GLI2: variants seen among roughly 807,000 people sequenced by gnomAD.
GLI2 encodes the protein transcription activator GLI2.
GLI2 carries 22 observed loss-of-function variants against 78.9 expected under a neutral mutation model. The observed-to-expected ratio is 0.28, with a 90% CI of 0.20 to 0.40. The LOEUF is 0.40. GLI2 is among the 10% of genes least tolerant of loss of function. The pLI is 1.00. For missense variants in GLI2, 2,097 were observed against 2,213.2 expected (o/e 0.95, Z 1.05); for synonymous variants, 974 against 963.7 (o/e 1.01, Z -0.20).
At chr2:120,874,760 G>A (rs1323553346) in intron 2 of GLI2, among the ~76,000 whole-genome samples, 1 of 152,208 alleles carries the variant, frequency 6.6e-6, no homozygotes, top group Non-Finnish European at 1.5e-5. Context: ...ACAGCCACTC[G>A]CTGTGGCAGC....
rs151179617 is a variant in GLI2, at chr2:120,986,508, C to A, written c.2136C>A (p.Phe712Leu). 515 of 1,614,108 alleles carry A rather than the reference C, an allele frequency of 3.2e-4. 7 individuals carry two copies. In the South Asian group the frequency reaches 4.9e-3, roughly 15 times the overall value. The change falls in exon 13 of 14, where the codon TTC (phenylalanine) becomes TTA (leucine). Residue 712 changes from phenylalanine (F) to leucine (L), a missense_variant. Transcript: ENST00000361492. The part of the protein sequence containing the change: ...LRKHMTTMHR[F>L]EQLKKEKLKS... The stretch of plus-strand genomic sequence containing the variant: ...AACACATGACCACCATGCACCGGTT[C>A]GAGCAGCTCAAGAAGGAGAAGCTCA...
intron 5 of GLI2, among the ~76,000 whole-genome samples, chr2:120,963,807 G>A (rs1681707820): frequency 6.6e-6 from 1 of 152,260 alleles, no homozygotes; most frequent in African/African-American, 2.4e-5. Flanking sequence ...TCTGTAAAAT[G>A]AGCATAACAG....
Position 120,970,490 on chromosome 2 carries a change from C to A in GLI2, c.943C>A (p.Pro315Thr), listed in dbSNP as rs1161213308. 2 of 1,613,906 alleles carry A rather than the reference C, an allele frequency of 1.2e-6. No individual in the cohort carries two copies. Among genetic ancestry groups the A allele is most frequent in the Non-Finnish European group, 1.7e-6 (2 of 1,179,802 alleles). ...GLGSAFGHTPPLIQPSPTFLA... is the reference protein window; with the variant it reads ...GLGSAFGHTPTLIQPSPTFLA... ...GGGGTCAGCCTTTGGACACACACCA[C>A]CCCTGATCCAGCCCTCACCCACCTT... The change falls in exon 7 of 14, where the codon CCC (proline) becomes ACC (threonine). Residue 315 changes from proline to threonine, a missense_variant. Around this residue, in one of 5 missense-constraint regions of GLI2, gnomAD observed 578 missense variants for 612.0 expected, o/e 0.94. Coordinates refer to ENST00000361492, the MANE Select transcript of GLI2 (RefSeq NM_001374353.1).
chr2:120,754,243 G>T lies in GLI2; in HGVS notation c.-31+17958G>T, dbSNP rs184173835. The stretch of plus-strand genomic sequence containing the variant: ...TTATCTGCCCATATCCACATCAACA[G>T]GGAGTGTTATCAAACTTGTCGATCC... On this transcript the variant is annotated intron_variant, in intron 1 of 13. Transcript: ENST00000361492. 5.0e-3 allele frequency among the ~76,000 whole-genome samples: 762 copies of T among 152,282 alleles called. 4 individuals are homozygous for T. Among genetic ancestry groups the T allele is most frequent in the African/African-American group, 0.018 (729 of 41,542 alleles).
chr2:120,786,831 C>T (rs1684011505), intron 1 of GLI2, among the ~76,000 whole-genome samples: 1 of 152,214 alleles, frequency 6.6e-6, no homozygotes, highest in Admixed American at 6.5e-5. Context: ...ACCCAGCCCT[C>T]CCTTAAAGGT....
intron 2 of GLI2, among the ~76,000 whole-genome samples, chr2:120,904,920 A>G (rs1678446343): frequency 6.6e-6 from 1 of 152,144 alleles, no homozygotes; most frequent in Non-Finnish European, 1.5e-5. Flanking sequence ...GGTGTGGGGC[A>G]GGGAGGCAGG....
At chr2:120,763,551 G>A (rs1237542344) in intron 1 of GLI2, among the ~76,000 whole-genome samples, 1 of 152,230 alleles carries the variant, frequency 6.6e-6, no homozygotes, top group African/African-American at 2.4e-5. Flanking sequence ...GGGTGCTCTG[G>A]GGGGCTCACT....
intron 9 of GLI2, 130 bp downstream of exon 9, chr2:120,975,239 A>C: frequency 1.2e-6 from 1 of 803,152 alleles, no homozygotes; most frequent in Non-Finnish European, 2.0e-6. Context: ...CCTGGGCCAC[A>C]TCCCCTGCAA....
In GLI2 at chr2:120,951,439, G is replaced by A. The variant is rs781771721; in HGVS notation, c.451G>A (p.Ala151Thr). The A allele has an allele frequency of 1.2e-5, 20 of 1,606,276 alleles. No individual in the cohort carries two copies. Among genetic ancestry groups the A allele is most frequent in the African/African-American group, 4.0e-5 (3 of 74,752 alleles). ...CTCTGCAGCCAGGGGCCTCAGCCCC[G>A]CTGATGGTGAGTAGGGTGTGGGGAT... is the stretch of plus-strand genomic sequence containing the variant. Reference protein sequence around the residue: ...MISAARGLSPADVAQEHLKER... With the variant: ...MISAARGLSPTDVAQEHLKER... Residue 151 changes from alanine to threonine, a missense_variant, in exon 4 of 14, where the codon GCT becomes ACT. Physicochemically the swap from Ala to Thr is moderately conservative, Grantham distance 58 (BLOSUM62 0). Transcript: ENST00000361492.
intron 5 of GLI2, among the ~76,000 whole-genome samples, chr2:120,966,349 T>C (rs1020445364): frequency 5.9e-5 from 9 of 152,174 alleles, no homozygotes; most frequent in African/African-American, 2.2e-4. Context: ...AGCTGACTTA[T>C]GGCTCCAGCC....
intron 1 of GLI2, among the ~76,000 whole-genome samples, chr2:120,754,603 C>A (rs1682982573): frequency 6.6e-6 from 1 of 152,190 alleles, no homozygotes; most frequent in South Asian, 2.1e-4. Context: ...ATAGTTTATT[C>A]ATTTTTATTG....
At chr2:120,935,531 C>CAGG (rs1680157678) in intron 3 of GLI2, among the ~76,000 whole-genome samples, 2 of 152,334 alleles carry the variant, frequency 1.3e-5, no homozygotes, top group Non-Finnish European at 2.9e-5. Flanking sequence ...GGAGCAGTAG[C>CAGG]AGGAGTCTGT....
chr2:120,800,167 G>T lies in GLI2; in HGVS notation c.148+2699G>T, dbSNP rs905764918. Among the ~76,000 whole-genome samples, 6 of 152,204 alleles carry T rather than the reference G, an allele frequency of 3.9e-5. No homozygotes were observed. The highest frequency in any genetic ancestry group is 5.9e-5 in the Non-Finnish European group (4 of 68,032). On this transcript the variant is annotated intron_variant, in intron 2 of 13. Transcript: ENST00000361492. This position sits in a 1 kb window ranked among gnomAD's most constrained non-coding sequence, Gnocchi z 4.1. The stretch of plus-strand genomic sequence containing the variant: ...GAGGGGCCGTGAGGGACTGTACCAA[G>T]CCTGGGAGAGGGACAGTGCCGCAGG...
At chr2:120,950,624 A>G (rs1373761325) in intron 3 of GLI2, among the ~76,000 whole-genome samples, 10 of 152,266 alleles carry the variant, frequency 6.6e-5, no homozygotes, top group Admixed American at 5.9e-4. Context: ...AATTCCATGG[A>G]AGGAGAACGA....
At chr2:120,816,259 G>A (rs777405107) in intron 2 of GLI2, among the ~76,000 whole-genome samples, 11 of 148,804 alleles carry the variant, frequency 7.4e-5, no homozygotes, top group Non-Finnish European at 1.6e-4. Context: ...GCAGTGGTGC[G>A]ATCTCAGTTC....
intron 2 of GLI2, among the ~76,000 whole-genome samples, chr2:120,817,083 C>T (rs1685530550): frequency 1.3e-5 from 2 of 152,212 alleles, no homozygotes; most frequent in Admixed American, 1.3e-4. Context: ...CTGGAAAATA[C>T]AGAGACAATG....
intron 2 of GLI2, among the ~76,000 whole-genome samples, chr2:120,906,695 T>A (rs1347329043): frequency 1.3e-5 from 2 of 151,854 alleles, no homozygotes; most frequent in East Asian, 3.9e-4. Flanking sequence ...TTCCACAGCA[T>A]CTCAAACTCA....
At chr2:120,946,326 G>A (rs1397162136) in intron 3 of GLI2, among the ~76,000 whole-genome samples, 1 of 152,202 alleles carries the variant, frequency 6.6e-6, no homozygotes, top group Admixed American at 6.5e-5. Flanking sequence ...TGGACTGAGG[G>A]GAGAAGGCAA....
chr2:120,768,412 C>A (rs1683430146), intron 1 of GLI2, among the ~76,000 whole-genome samples: 2 of 152,212 alleles, frequency 1.3e-5, no homozygotes, highest in Non-Finnish European at 2.9e-5. Context: ...TGTTGAACTG[C>A]AGGTGAGAAA....
Sources: gnomAD v4.1 joint callset for allele counts (sites outside exome capture counted in the v4.1 genomes callset) on GRCh38, gnomAD v4.1.1 for gene constraint, gnomAD v4.1.1 regional missense constraint, Gnocchi (gnomAD v3.1) non-coding constraint, MANE v1.5 for transcripts, NCBI Gene and HGNC (gene_info 2026-07-23, HGNC 2026-07-21) for gene names.